The following LUZP2 variants were observed in gnomAD, a reference collection of about 807,000 sequenced individuals.
LUZP2 encodes leucine zipper protein 2.
LUZP2 carries 52 observed loss-of-function variants against 51.6 expected under a neutral mutation model. That is an observed-to-expected ratio of 1.01 (90% CI 0.81 to 1.27). The LOEUF is 1.27. Ranked by LOEUF, LUZP2 falls within the 50% of genes most tolerant of loss-of-function variation. The probability of loss-of-function intolerance (pLI) is 0.00; values close to 1 mark genes in which losing one functional copy is unlikely to be tolerated. For synonymous variants in LUZP2, 154 were observed against 137.3 expected (o/e 1.12, Z -0.85); for missense variants, 436 against 395.4 (o/e 1.10, Z -0.87).
chr11:24,612,141 A>G (rs1033564099), intron 1 of LUZP2, among the ~76,000 whole-genome samples: 1 of 152,164 alleles, frequency 6.6e-6, no homozygotes, highest in East Asian at 1.9e-4. Context: ...TAAATTTAGC[A>G]TAGAATTGAC....
intron 7 of LUZP2, among the ~76,000 whole-genome samples, chr11:24,940,175 T>G (rs890741569): frequency 2.0e-5 from 3 of 152,230 alleles, no homozygotes; most frequent in Non-Finnish European, 4.4e-5. Flanking sequence ...TGAAATCTAC[T>G]ACTTTCATAT....
chr11:24,994,276 C>T (rs188536753), intron 9 of LUZP2, among the ~76,000 whole-genome samples: 53 of 149,990 alleles, frequency 3.5e-4, no homozygotes, highest in South Asian at 2.8e-3. Context: ...TTAACTCTTA[C>T]ATCTAGGCAT....
chr11:24,913,457 A>G (rs954730520), intron 6 of LUZP2, among the ~76,000 whole-genome samples: 4 of 152,120 alleles, frequency 2.6e-5, no homozygotes, highest in Non-Finnish European at 4.4e-5. Context: ...GCTTTTGGCT[A>G]TTATGAATAA....
chr11:24,797,328 A>G (rs77272680), intron 5 of LUZP2, among the ~76,000 whole-genome samples: 1,666 of 152,290 alleles, frequency 0.011, 27 homozygotes, highest in African/African-American at 0.036. Context: ...TCTGAAAACC[A>G]CAATTGATGT....
At chr11:24,705,207 AT>A (rs1565088347) in intron 1 of LUZP2, among the ~76,000 whole-genome samples, 1 of 152,030 alleles carries the variant, frequency 6.6e-6, no homozygotes, top group Non-Finnish European at 1.5e-5. Context: ...TTCTTTTTAT[AT>A]TTTTTATTTC....
intron 1 of LUZP2, among the ~76,000 whole-genome samples, chr11:24,552,071 G>A (rs1213539707): frequency 2.0e-5 from 3 of 151,910 alleles, no homozygotes; most frequent in Non-Finnish European, 4.4e-5. Flanking sequence ...AAACTAATCA[G>A]TTTAATTTAT....
At chr11:24,854,041 A>G (rs556282109) in intron 5 of LUZP2, among the ~76,000 whole-genome samples, 30 of 152,266 alleles carry the variant, frequency 2.0e-4, no homozygotes, top group African/African-American at 7.0e-4. Flanking sequence ...GCTCTCCTGT[A>G]TGAGGTGTCT....
intron 5 of LUZP2, chr11:24,831,903 G>A (rs914689889): frequency 2.0e-4 from 30 of 152,440 alleles, no homozygotes; most frequent in African/African-American, 6.0e-4. Flanking sequence ...CTGATCTGTA[G>A]GATTCAAGGA....
At chr11:24,555,732 T>A (rs955991131) in intron 1 of LUZP2, among the ~76,000 whole-genome samples, 1 of 152,188 alleles carries the variant, frequency 6.6e-6, no homozygotes, top group Non-Finnish European at 1.5e-5. Context: ...TCCCAGCATG[T>A]TGGGAGGCCA....
chr11:24,575,228 G>A (rs1325947564), intron 1 of LUZP2, among the ~76,000 whole-genome samples: 3 of 152,134 alleles, frequency 2.0e-5, no homozygotes, highest in Non-Finnish European at 4.4e-5. Flanking sequence ...AGAAGGAAGA[G>A]TAAATTTTCA....
chr11:24,823,934 G>A (rs928662864), intron 5 of LUZP2, among the ~76,000 whole-genome samples: 37 of 152,036 alleles, frequency 2.4e-4, no homozygotes, highest in South Asian at 1.5e-3. Context: ...GTGGTGGCAG[G>A]TGCCTGTAGT....
At chr11:24,659,643 A>G (rs1397199584) in intron 1 of LUZP2, among the ~76,000 whole-genome samples, 1 of 152,138 alleles carries the variant, frequency 6.6e-6, no homozygotes. Context: ...GTTCAAGCCT[A>G]TGGAACTCAC....
chr11:24,985,171 T>C (rs1856154513), intron 9 of LUZP2, among the ~76,000 whole-genome samples: 1 of 151,710 alleles, frequency 6.6e-6, no homozygotes, highest in Non-Finnish European at 1.5e-5. Flanking sequence ...AGTACTCTGC[T>C]AGTAACTAAG....
rs1856190993 is a variant in LUZP2 at position 24,665,706 on chromosome 11, C to T, written c.63-63463C>T. ...TTGCTTGGCTCTCATTCTTCTCTCT[C>T]CTGCCACCTTGTGAAGAAGGACATG... On this transcript the variant is annotated intron_variant, in intron 1 of 11. Coordinates refer to ENST00000336930, the MANE Select transcript of LUZP2 (RefSeq NM_001009909.4). 3.3e-5 allele frequency among the ~76,000 whole-genome samples: 5 copies of T among 152,138 alleles called. No individual in the cohort carries two copies. In the South Asian group the frequency reaches 1.0e-3, roughly 31 times the overall value.
chr11:24,857,272 GAT>G (rs59798750), intron 5 of LUZP2, among the ~76,000 whole-genome samples: 70,464 of 135,560 alleles, frequency 0.52, 17,610 homozygotes, highest in Non-Finnish European at 0.56. Flanking sequence ...GATTCATGGG[GAT>G]ATATATATAT....
chr11:24,757,597 T>A (rs571717635), intron 4 of LUZP2, among the ~76,000 whole-genome samples: 1 of 151,944 alleles, frequency 6.6e-6, no homozygotes, highest in Admixed American at 6.5e-5. Context: ...CGAAAGAGAA[T>A]TATAAAGACT....
intron 1 of LUZP2, chr11:24,646,681 G>A (rs748385589): frequency 1.3e-6 from 1 of 770,688 alleles, no homozygotes; most frequent in African/African-American, 1.9e-5. Flanking sequence ...CTCCCCAAAA[G>A]ACTGTTGCTG....
At chr11:25,021,237 CT>C (rs1308768629) in intron 9 of LUZP2, among the ~76,000 whole-genome samples, 1 of 151,606 alleles carries the variant, frequency 6.6e-6, no homozygotes, top group African/African-American at 2.4e-5. Flanking sequence ...CAAGCATTCT[CT>C]CAGAGACTTA....
At chr11:24,601,871 T>A (rs1184630289) in intron 1 of LUZP2, among the ~76,000 whole-genome samples, 1 of 69,058 alleles carries the variant, frequency 1.4e-5, no homozygotes, top group East Asian at 5.3e-4. Context: ...TATGTGTATA[T>A]GTATACATGT....
Sources: gnomAD v4.1 joint callset for allele counts (sites outside exome capture counted in the v4.1 genomes callset) on GRCh38, gnomAD v4.1.1 for gene constraint, MANE v1.5 for transcripts, NCBI Gene and HGNC (gene_info 2026-07-23, HGNC 2026-07-21) for gene names.